ASCL5: variants seen among roughly 807,000 people sequenced by gnomAD.
ASCL5 encodes achaete-scute family bHLH transcription factor 5.
For synonymous variants in ASCL5, 124 were observed against 131.5 expected (o/e 0.94, Z 0.39); for missense variants, 262 against 268.9 (o/e 0.97, Z 0.18).
chr1:201,118,839 G>A (rs1663398698), intron 1 of ASCL5, among the ~76,000 whole-genome samples: 1 of 152,158 alleles, frequency 6.6e-6, no homozygotes, highest in African/African-American at 2.4e-5. Context: ...TTGAGAGGTA[G>A]GTGCTAATAT....
chr1:201,125,381 C>G (rs1431550219), intron 1 of ASCL5, among the ~76,000 whole-genome samples: 1 of 152,200 alleles, frequency 6.6e-6, no homozygotes, highest in East Asian at 1.9e-4. Context: ...ACATAACTCT[C>G]TTCTCTCAAG....
chr1:201,117,836 G>C (rs1231802968), intron 1 of ASCL5, among the ~76,000 whole-genome samples: 1 of 152,138 alleles, frequency 6.6e-6, no homozygotes, highest in Non-Finnish European at 1.5e-5. Flanking sequence ...CAGGGGCTAG[G>C]GCTTTTATTT....
Position 201,114,477 on chromosome 1 carries a change from A to T in ASCL5, c.*275T>A. 3.3e-6 allele frequency: 1 copy of T among 299,430 alleles called. No individual in the cohort carries two copies. Among genetic ancestry groups the T allele is most frequent in the Non-Finnish European group, 6.1e-6 (1 of 163,204 alleles). 18.5% of individuals were successfully genotyped at this position (299,430 alleles called of 1,614,324 possible). Reference sequence around the variant, plus strand: ...CCTGGGGAGCCCCTCTGCACCCCGGAGGGGACGCAGGACGCCCGGAGCAGT... The same window carrying T: ...CCTGGGGAGCCCCTCTGCACCCCGGTGGGGACGCAGGACGCCCGGAGCAGT... On this transcript the variant is annotated 3_prime_UTR_variant, in exon 2 of 2. Transcript: ENST00000449188.
chr1:201,114,865 C>A lies in ASCL5; in HGVS notation c.508G>T (p.Asp170Tyr). The A allele has an allele frequency of 1.1e-6, 1 of 875,658 alleles. No individual in the cohort carries two copies. Among genetic ancestry groups the A allele is most frequent in the Non-Finnish European group, 1.4e-6 (1 of 706,216 alleles). The allele number at this position is 875,658 out of a possible 1,614,324, so 54.2% of individuals were successfully genotyped here. The stretch of plus-strand genomic sequence containing the variant: ...CGGGCCTCGCCGTCGCCAGGGCGGT[C>A]GGGACGGGGGGTGGCGGGCGGCGCG... Reference protein sequence around the residue: ...CPAPPATPRPDRPGDGEARAP... With the variant: ...CPAPPATPRPYRPGDGEARAP... The change falls in exon 2 of 2, where the codon GAC (aspartate) becomes TAC (tyrosine). Residue 170 changes from aspartate to tyrosine, a missense_variant. Transcript: ENST00000449188.
In ASCL5 at chr1:201,115,711, T is replaced by G; in HGVS notation, c.-339A>C. ...CCCTGCCTCTTGCTGCCACCCAACA[T>G]GGGCACCTCAGGCCTAAACCACGGG... On this transcript the variant is annotated 5_prime_UTR_variant, in exon 2 of 2. The change abolishes an upstream ATG in the 5' untranslated region. Coordinates refer to ENST00000449188, the MANE Select transcript of ASCL5 (RefSeq NM_001270601.2). 1 of 176,378 alleles carries G rather than the reference T, an allele frequency of 5.7e-6. No homozygotes were observed. Among genetic ancestry groups the G allele is most frequent in the Non-Finnish European group, 1.2e-5 (1 of 84,504 alleles). The allele number at this position is 176,378 out of a possible 1,614,324, so 10.9% of individuals were successfully genotyped here.
At chr1:201,125,911 T>G (rs1011847807) in intron 1 of ASCL5, among the ~76,000 whole-genome samples, 1 of 152,206 alleles carries the variant, frequency 6.6e-6, no homozygotes, top group African/African-American at 2.4e-5. Context: ...AGAGCAGCGA[T>G]GCAGAGGTCT....
intron 1 of ASCL5, among the ~76,000 whole-genome samples, chr1:201,119,859 A>G (rs1022324032): frequency 6.6e-6 from 1 of 152,090 alleles, no homozygotes; most frequent in Admixed American, 6.6e-5. Context: ...TTGAGTAGGC[A>G]CAGACTATTA....
At chr1:201,116,261 A>G (rs1204184978) in intron 1 of ASCL5, among the ~76,000 whole-genome samples, 1 of 152,200 alleles carries the variant, frequency 6.6e-6, no homozygotes, top group Non-Finnish European at 1.5e-5. Context: ...TCTTACATCT[A>G]GAAGCGGGTC....
At position 201,114,910 on chromosome 1, in the gene ASCL5, G is replaced by A; in HGVS notation, c.463C>T (p.Pro155Ser). ...GGCGCGGGGCAGGGCCCGGTGCCCG[G>A]GAGGCCGCGGGAAGCGGGGGGCGTC... ...GSTPPASRGLPGTGPCPAPPA... is the reference protein window; with the variant it reads ...GSTPPASRGLSGTGPCPAPPA... The change falls in exon 2 of 2, where the codon CCG becomes TCG. Residue 155 changes from proline (P) to serine (S), a missense_variant. Coordinates refer to ENST00000449188, the MANE Select transcript of ASCL5 (RefSeq NM_001270601.2). 1 of 1,230,310 alleles carries A rather than the reference G, an allele frequency of 8.1e-7. No individual in the cohort carries two copies. The allele number at this position is 1,230,310 out of a possible 1,614,324, so 76.2% of individuals were successfully genotyped here.
At chr1:201,123,113 C>T (rs1256902115) in intron 1 of ASCL5, among the ~76,000 whole-genome samples, 2 of 152,140 alleles carry the variant, frequency 1.3e-5, no homozygotes, top group African/African-American at 4.8e-5. Context: ...ATTGTTCCAC[C>T]AATGCTTACA....
intron 1 of ASCL5, among the ~76,000 whole-genome samples, chr1:201,117,321 A>T (rs1462400124): frequency 6.6e-6 from 1 of 152,082 alleles, no homozygotes; most frequent in African/African-American, 2.4e-5. Context: ...CTGTAATCCC[A>T]GCTAATTGGG....
At chr1:201,125,502 G>C (rs1663562613) in intron 1 of ASCL5, among the ~76,000 whole-genome samples, 1 of 151,958 alleles carries the variant, frequency 6.6e-6, no homozygotes, top group African/African-American at 2.4e-5. Flanking sequence ...AGCTGTTTGG[G>C]TCTTTCTTTG....
chr1:201,115,826 G>A lies in ASCL5; in HGVS notation c.-454C>T, dbSNP rs1251374513. The A allele has an allele frequency of 2.6e-5, 4 of 153,094 alleles. No individual in the cohort carries two copies. The highest frequency in any genetic ancestry group is 2.0e-4 in the Admixed American group (3 of 15,310). 9.5% of individuals were successfully genotyped at this position (153,094 alleles called of 1,614,324 possible). ...GGCTGTCCGGGGTCCCCAAACTGAT[G>A]GCTGCTGTTAGGAGTGCGCCAGCTC... On this transcript the variant is annotated 5_prime_UTR_variant, in exon 2 of 2. Transcript: ENST00000449188.
At chr1:201,126,528 A>G (rs867771158) in intron 1 of ASCL5, among the ~76,000 whole-genome samples, 5 of 152,256 alleles carry the variant, frequency 3.3e-5, no homozygotes, top group African/African-American at 7.2e-5. Flanking sequence ...AAATATTTAT[A>G]TAACATTTAT....
rs557678923 is a variant in ASCL5 at position 201,120,891 on chromosome 1, C to T, written c.-505-5014G>A. Among the ~76,000 whole-genome samples the T allele has an allele frequency of 5.3e-5, 8 of 152,338 alleles. No individual in the cohort carries two copies. In the South Asian group the frequency reaches 1.7e-3, roughly 32 times the overall value. On this transcript the variant is annotated intron_variant, in intron 1 of 1. Coordinates refer to ENST00000449188, the MANE Select transcript of ASCL5 (RefSeq NM_001270601.2). ...CCATAATGCTGCTTTTGGGCAGCAA[C>T]AGGGAGACTGCTTCCATAGCCTCCC...
Position 201,115,825 on chromosome 1 carries a change from T to G in ASCL5, c.-453A>C. ...GGGCTGTCCGGGGTCCCCAAACTGA[T>G]GGCTGCTGTTAGGAGTGCGCCAGCT... is the stretch of plus-strand genomic sequence containing the variant. On this transcript the variant is annotated 5_prime_UTR_variant, in exon 2 of 2. Transcript: ENST00000449188. 1 of 153,052 alleles carries G rather than the reference T, an allele frequency of 6.5e-6. No individual in the cohort carries two copies. The highest frequency in any genetic ancestry group is 1.5e-5 in the Non-Finnish European group (1 of 68,566). The allele number at this position is 153,052 out of a possible 1,614,324, so 9.5% of individuals were successfully genotyped here. A position where few individuals can be genotyped will look rare whatever the true frequency, so the allele number is the denominator to read the frequency against.
chr1:201,124,185 G>A (rs986833659), intron 1 of ASCL5, among the ~76,000 whole-genome samples: 4 of 152,192 alleles, frequency 2.6e-5, no homozygotes, highest in Non-Finnish European at 2.9e-5. Flanking sequence ...TGAACCAGGC[G>A]GTTCTGCAGA....
chr1:201,117,328 T>A (rs1167846816), intron 1 of ASCL5, among the ~76,000 whole-genome samples: 1 of 151,892 alleles, frequency 6.6e-6, no homozygotes, highest in South Asian at 2.1e-4. Flanking sequence ...CCCAGCTAAT[T>A]GGGAGGCTGA....
Position 201,115,288 on chromosome 1 carries a change from G to T in ASCL5, c.85C>A (p.Pro29Thr). The T allele has an allele frequency of 8.1e-7, 1 of 1,230,910 alleles. No homozygotes were observed. Among genetic ancestry groups the T allele is most frequent in the Non-Finnish European group, 1.0e-6 (1 of 987,278 alleles). The allele number at this position is 1,230,910 out of a possible 1,614,324, so 76.2% of individuals were successfully genotyped here. A position where few individuals can be genotyped will look rare whatever the true frequency, so the allele number is the denominator to read the frequency against. The change falls in exon 2 of 2, where the codon CCC (proline) becomes ACC (threonine). Residue 29 changes from proline (P) to threonine (T), a missense_variant. By Grantham distance (38) the Pro-to-Thr change is conservative. Coordinates refer to ENST00000449188, the MANE Select transcript of ASCL5 (RefSeq NM_001270601.2). ...GCGGGGGGCAGGGGCGCCTGCCGGG[G>T]AGGGGGCATGACGCCCAGCTGCATG... is the stretch of plus-strand genomic sequence containing the variant. Reference protein sequence around the residue: ...SCMQLGVMPPPRQAPLPPAEP... With the variant: ...SCMQLGVMPPTRQAPLPPAEP...
Sources: allele counts gnomAD v4.1 joint callset (sites outside exome capture counted in the v4.1 genomes callset), GRCh38; gene constraint gnomAD v4.1.1; transcripts MANE v1.5; gene names NCBI Gene and HGNC (gene_info 2026-07-23, HGNC 2026-07-21).